The following COG5 variants were observed in gnomAD, a reference collection of about 807,000 sequenced individuals.
The protein encoded by COG5 is conserved oligomeric Golgi complex subunit 5.
A neutral mutation model predicts 110.4 loss-of-function variants in COG5; 86 were observed. The observed-to-expected ratio is 0.78, with a 90% CI of 0.65 to 0.93. The LOEUF is 0.93. Among genes scored for constraint, COG5 ranks in the 40% least tolerant of loss-of-function variants. The pLI is 0.00. For synonymous variants in COG5, 360 were observed against 334.6 expected, an observed-to-expected ratio of 1.08 and a Z score of -0.83; for missense variants, 1,077 against 987.0, an observed-to-expected ratio of 1.09 and a Z score of -1.22.
intron 6 of COG5, among the ~76,000 whole-genome samples, chr7:107,453,154 C>T (rs899907950): frequency 1.3e-5 from 2 of 152,120 alleles, no homozygotes; most frequent in African/African-American, 2.4e-5. Flanking sequence ...TCAGACCTTC[C>T]TATGGTGATT....
chr7:107,414,903 A>G (rs1338812007), intron 6 of COG5, among the ~76,000 whole-genome samples: 1 of 150,292 alleles, frequency 6.7e-6, no homozygotes, highest in Non-Finnish European at 1.5e-5. Context: ...AATTTTTTGT[A>G]TTTTAGTAGA....
At chr7:107,430,292 A>T (rs1186260510) in intron 6 of COG5, among the ~76,000 whole-genome samples, 1 of 152,186 alleles carries the variant, frequency 6.6e-6, no homozygotes, top group Non-Finnish European at 1.5e-5. Context: ...ATATATATTC[A>T]TTCTTTTGCA....
chr7:107,524,372 T>C (rs1800579364), intron 6 of COG5, among the ~76,000 whole-genome samples: 1 of 152,190 alleles, frequency 6.6e-6, no homozygotes, highest in African/African-American at 2.4e-5. Context: ...CCTCAAACCT[T>C]TCAAGTTTGA....
At chr7:107,377,733 T>A (rs1814752556) in intron 7 of COG5, among the ~76,000 whole-genome samples, 1 of 152,174 alleles carries the variant, frequency 6.6e-6, no homozygotes, top group Non-Finnish European at 1.5e-5. Context: ...AATAAAATAA[T>A]CTTTACTCTC....
chr7:107,250,409 G>A (rs902876438), intron 16 of COG5, among the ~76,000 whole-genome samples: 1 of 151,526 alleles, frequency 6.6e-6, no homozygotes, highest in Non-Finnish European at 1.5e-5. Context: ...CTAATTGCCT[G>A]TAAAGCAAAA....
chr7:107,202,620 A>ACAT lies in COG5; in HGVS notation c.*893_*895dup, dbSNP rs1798417305. 1 of 152,372 alleles carries ACAT rather than the reference A, an allele frequency of 6.6e-6. No homozygotes were observed. Among genetic ancestry groups the ACAT allele is most frequent in the South Asian group, 2.1e-4 (1 of 4,824 alleles). The allele number at this position is 152,372 out of a possible 1,614,324, so 9.4% of individuals were successfully genotyped here. Reference sequence around the variant, plus strand: ...ACAGGTTCAGGAGATGAGATGGAAAACATAAGGCAAATTCCTAACACTGCT... The same window carrying ACAT: ...ACAGGTTCAGGAGATGAGATGGAAAACATCATAAGGCAAATTCCTAACACTGCT... On this transcript the variant is annotated 3_prime_UTR_variant, in exon 22 of 22. Coordinates refer to ENST00000297135, the MANE Select transcript of COG5 (RefSeq NM_006348.5).
chr7:107,208,913 A>G, intron 21 of COG5: 7 of 985,380 alleles, frequency 7.1e-6, no homozygotes, highest in Non-Finnish European at 8.4e-6. Flanking sequence ...ATGACCCACT[A>G]TGGCAGGGGT....
chr7:107,524,626 G>A (rs535348664), intron 6 of COG5, among the ~76,000 whole-genome samples: 36 of 152,050 alleles, frequency 2.4e-4, no homozygotes, highest in Non-Finnish European at 3.8e-4. Context: ...ATTTTTCCTT[G>A]GCTTCTCCTT....
At chr7:107,258,515 CAA>C (rs1803066086) in intron 14 of COG5, 132 bp from the exon 15 acceptor site, 1 of 700,180 alleles carries the variant, frequency 1.4e-6, no homozygotes. Context: ...GCCCCTCTGA[CAA>C]AGAGAATGTT....
At chr7:107,222,508 C>T (rs1251785519) in intron 19 of COG5, among the ~76,000 whole-genome samples, 5 of 152,168 alleles carry the variant, frequency 3.3e-5, no homozygotes, top group Non-Finnish European at 7.4e-5. Context: ...CCAGCCTCAC[C>T]TGTCCCTTTT....
intron 5 of COG5, among the ~76,000 whole-genome samples, chr7:107,535,314 A>T (rs1563087892): frequency 6.6e-6 from 1 of 151,032 alleles, no homozygotes; most frequent in East Asian, 1.9e-4. Context: ...AGAAATAACT[A>T]AGAGCAGAAC....
At chr7:107,393,087 T>C (rs1306561417) in intron 7 of COG5, among the ~76,000 whole-genome samples, 1 of 152,202 alleles carries the variant, frequency 6.6e-6, no homozygotes, top group East Asian at 1.9e-4. Context: ...CAAATTACAA[T>C]TTTATTACAG....
At position 107,203,266 on chromosome 7, in the gene COG5, T is replaced by C. The variant is rs1798491112; in HGVS notation, c.*250A>G. The stretch of plus-strand genomic sequence containing the variant: ...GGATGGGAAAGACATTTTAGCCTTG[T>C]ACAAAAATCTGAAAGAGGAAAACAT... On this transcript the variant is annotated 3_prime_UTR_variant, in exon 22 of 22. Transcript: ENST00000297135. The C allele has an allele frequency of 1.9e-6, 1 of 513,300 alleles. No individual in the cohort carries two copies. Among genetic ancestry groups the C allele is most frequent in the Non-Finnish European group, 3.5e-6 (1 of 285,036 alleles). The allele number at this position is 513,300 out of a possible 1,614,324, so 31.8% of individuals were successfully genotyped here. A position where few individuals can be genotyped will look rare whatever the true frequency, so the allele number is the denominator to read the frequency against.
At chr7:107,266,905 T>C (rs1018771461) in intron 14 of COG5, among the ~76,000 whole-genome samples, 10 of 151,990 alleles carry the variant, frequency 6.6e-5, no homozygotes, top group African/African-American at 2.4e-4. Flanking sequence ...TAAAAAGAGG[T>C]TTTTTACTAG....
At chr7:107,255,946 G>A (rs1802849345) in intron 16 of COG5, among the ~76,000 whole-genome samples, 1 of 152,140 alleles carries the variant, frequency 6.6e-6, no homozygotes. Context: ...CCAGCGATAT[G>A]ACCTTGAGCA....
At chr7:107,278,859 T>C (rs1804921549) in intron 14 of COG5, among the ~76,000 whole-genome samples, 1 of 152,100 alleles carries the variant, frequency 6.6e-6, no homozygotes, top group Non-Finnish European at 1.5e-5. Context: ...GGCAATACCA[T>C]TCAGGACACA....
intron 6 of COG5, among the ~76,000 whole-genome samples, chr7:107,479,232 G>A (rs1279433364): frequency 6.6e-6 from 1 of 152,084 alleles, no homozygotes; most frequent in Non-Finnish European, 1.5e-5. Context: ...AGCATATTCT[G>A]GAAGAGCAAA....
In COG5 at chr7:107,230,667, AG is replaced by A; in HGVS notation, c.2115del (p.Cys706ValfsTer7). 6.2e-7 allele frequency: 1 copy of A among 1,613,094 alleles called. No homozygotes were observed. The highest frequency in any genetic ancestry group is 8.5e-7 in the Non-Finnish European group (1 of 1,179,116). On this transcript the variant is annotated frameshift_variant, in exon 19 of 22. Transcript: ENST00000297135. LOFTEE classifies it high-confidence loss of function. Reference protein sequence around the residue: ...FAQMELAVGPFCRRVSDLGKS... With the variant: ...FAQMELAVGPXCRRVSDLGKS... ...TTTCCTAAATCAGATACTCGTCTACAGAATGGACCCACAGCCAACTCCATCT... is the reference window on the plus strand; with the variant it reads ...TTTCCTAAATCAGATACTCGTCTACAAATGGACCCACAGCCAACTCCATCT...
chr7:107,482,378 T>C (rs1357502489), intron 6 of COG5, among the ~76,000 whole-genome samples: 1 of 152,050 alleles, frequency 6.6e-6, no homozygotes, highest in African/African-American at 2.4e-5. Context: ...ACTCCTGGTC[T>C]CAAGCAATCC....
Sources: allele counts gnomAD v4.1 joint callset (sites outside exome capture counted in the v4.1 genomes callset), GRCh38; gene constraint gnomAD v4.1.1; transcripts MANE v1.5; gene names NCBI Gene and HGNC (gene_info 2026-07-23, HGNC 2026-07-21).